USH2A: variants seen among roughly 807,000 people sequenced by gnomAD.
USH2A encodes usherin.
In USH2A, 443 loss-of-function variants were observed where a neutral mutation model predicts 538.9. That is an observed-to-expected ratio of 0.82 (90% CI 0.76 to 0.89). The LOEUF is 0.89. Ranked by LOEUF, USH2A falls within the 40% of genes least tolerant of loss-of-function variation. The probability of loss-of-function intolerance (pLI) is 0.00; values close to 1 mark genes in which losing one functional copy is unlikely to be tolerated. For synonymous variants in USH2A, 2,413 were observed against 2,273.5 expected, an observed-to-expected ratio of 1.06 and a Z score of -1.75; for missense variants, 6,633 against 6,324.8, an observed-to-expected ratio of 1.05 and a Z score of -1.65.
intron 11 of USH2A, among the ~76,000 whole-genome samples, 177 bp from the exon 12 acceptor site, chr1:216,251,275 A>G (rs751711471): frequency 1.3e-5 from 2 of 152,108 alleles, no homozygotes; most frequent in Non-Finnish European, 2.9e-5. Flanking sequence ...GGGGGAATAT[A>G]CAGAACTGAA....
intron 19 of USH2A, among the ~76,000 whole-genome samples, chr1:216,193,050 T>C (rs1278928907): frequency 6.6e-6 from 1 of 152,174 alleles, no homozygotes; most frequent in Non-Finnish European, 1.5e-5. Flanking sequence ...GGCTGTATTT[T>C]ATAAATAATA....
intron 11 of USH2A, among the ~76,000 whole-genome samples, chr1:216,258,848 AAAC>A (rs1458206786): frequency 1.3e-5 from 2 of 152,100 alleles, no homozygotes; most frequent in African/African-American, 4.8e-5. Flanking sequence ...GGACCTGACA[AAAC>A]AACTATAAAC....
chr1:215,973,798 T>C (rs1367208281), intron 35 of USH2A, among the ~76,000 whole-genome samples: 1 of 152,014 alleles, frequency 6.6e-6, no homozygotes, highest in Non-Finnish European at 1.5e-5. Context: ...TAGACTAAGA[T>C]GAATACATGG....
intron 52 of USH2A, among the ~76,000 whole-genome samples, chr1:215,785,785 T>C (rs1181431060): frequency 1.3e-5 from 2 of 152,184 alleles, no homozygotes; most frequent in African/African-American, 4.8e-5. Context: ...TTCTGCACTC[T>C]TGAGGTTAGC....
intron 35 of USH2A, among the ~76,000 whole-genome samples, chr1:215,972,169 C>A (rs769065844): frequency 6.6e-6 from 1 of 152,104 alleles, no homozygotes; most frequent in Non-Finnish European, 1.5e-5. Flanking sequence ...TTGGGTTTTG[C>A]CAGTGGGAGG....
chr1:215,860,979 C>T (rs1538639), intron 44 of USH2A, among the ~76,000 whole-genome samples: 9,148 of 152,304 alleles, frequency 0.06, 368 homozygotes, highest in Non-Finnish European at 0.089. Flanking sequence ...ACCAACTAAG[C>T]AGCTCTTGGA....
At chr1:216,155,567 G>C (rs2033921245) in intron 21 of USH2A, among the ~76,000 whole-genome samples, 1 of 152,012 alleles carries the variant, frequency 6.6e-6, no homozygotes, top group African/African-American at 2.4e-5. Context: ...CAACTTATCA[G>C]CAGCACCCAT....
At chr1:215,853,356 C>A (rs1301919435) in intron 44 of USH2A, among the ~76,000 whole-genome samples, 2 of 152,130 alleles carry the variant, frequency 1.3e-5, no homozygotes, top group Non-Finnish European at 2.9e-5. Flanking sequence ...GCATGGGAAC[C>A]CTGGGTCTGG....
intron 49 of USH2A, among the ~76,000 whole-genome samples, chr1:215,805,594 G>T (rs1338126307): frequency 1.3e-5 from 2 of 151,972 alleles, no homozygotes; most frequent in East Asian, 3.9e-4. Context: ...ATTTTATGTG[G>T]TGTATACTTT....
intron 49 of USH2A, among the ~76,000 whole-genome samples, chr1:215,803,721 C>T (rs1662407883): frequency 6.6e-6 from 1 of 152,032 alleles, no homozygotes; most frequent in African/African-American, 2.4e-5. Context: ...AGGTAATTTA[C>T]AGATTCAATG....
At chr1:216,324,076 G>A in intron 7 of USH2A, 92 bp downstream of exon 7, 3 of 1,390,928 alleles carry the variant, frequency 2.2e-6, no homozygotes, top group Non-Finnish European at 2.9e-6. Flanking sequence ...TGGTGGTGAA[G>A]GGAAGTCTCC....
intron 55 of USH2A, among the ~76,000 whole-genome samples, chr1:215,774,310 T>C (rs757456523): frequency 6.6e-6 from 1 of 151,938 alleles, no homozygotes; most frequent in African/African-American, 2.4e-5. Context: ...ATCTTCCTGA[T>C]CCCAAGACGC....
chr1:216,193,882 C>G (rs1388633864), intron 19 of USH2A, among the ~76,000 whole-genome samples: 1 of 152,064 alleles, frequency 6.6e-6, no homozygotes, highest in Non-Finnish European at 1.5e-5. Flanking sequence ...CACAAATACT[C>G]TAGGGTACAA....
intron 47 of USH2A, among the ~76,000 whole-genome samples, chr1:215,821,583 T>C (rs1180309993): frequency 6.6e-6 from 1 of 151,914 alleles, no homozygotes; most frequent in Non-Finnish European, 1.5e-5. Flanking sequence ...TTGTTGATTG[T>C]TTCCTTTGTT....
At chr1:215,685,643 C>A (rs1482998066) in intron 61 of USH2A, among the ~76,000 whole-genome samples, 1 of 152,054 alleles carries the variant, frequency 6.6e-6, no homozygotes, top group Non-Finnish European at 1.5e-5. Flanking sequence ...CAGGCATGAG[C>A]CACAGAGCCT....
intron 20 of USH2A, among the ~76,000 whole-genome samples, chr1:216,179,129 G>A (rs890192755): frequency 2.6e-5 from 4 of 152,166 alleles, no homozygotes; most frequent in African/African-American, 9.6e-5. Flanking sequence ...TGGAGATAAT[G>A]TTGAAGCTCA....
chr1:215,940,978 C>CT (rs140254834), intron 37 of USH2A, among the ~76,000 whole-genome samples: 21,343 of 152,046 alleles, frequency 0.14, 1,955 homozygotes, highest in African/African-American at 0.27. Flanking sequence ...TTCTCTAGAT[C>CT]TTTTTTAACG....
intron 4 of USH2A, among the ~76,000 whole-genome samples, chr1:216,357,548 C>T (rs902391832): frequency 1.4e-4 from 22 of 152,078 alleles, no homozygotes; most frequent in Admixed American, 1.4e-3. Flanking sequence ...GAAAGGAAGG[C>T]AAGTAGGAGT....
At chr1:215,873,939 A>T (rs565665993) in intron 43 of USH2A, among the ~76,000 whole-genome samples, 1 of 152,204 alleles carries the variant, frequency 6.6e-6, no homozygotes, top group Non-Finnish European at 1.5e-5. Context: ...TTTTCTCTAT[A>T]ATAGTAAAAT....
Sources: allele counts gnomAD v4.1 joint callset (sites outside exome capture counted in the v4.1 genomes callset), GRCh38; gene constraint gnomAD v4.1.1; transcripts MANE v1.5; gene names NCBI Gene and HGNC (gene_info 2026-07-23, HGNC 2026-07-21).